The following EGF variants were observed in gnomAD, a reference collection of about 807,000 sequenced individuals.
The protein encoded by EGF is epidermal growth factor.
In EGF, 95 loss-of-function variants were observed where a neutral mutation model predicts 143.8. The observed-to-expected ratio is 0.66, with a 90% CI of 0.56 to 0.78. The LOEUF is 0.78. Among genes scored for constraint, EGF ranks in the 30% least tolerant of loss-of-function variants. The pLI, the probability that EGF is intolerant of heterozygous loss-of-function variation, is 0.00. For missense variants in EGF, 1,320 were observed against 1,470.9 expected (o/e 0.90, Z 1.68); for synonymous variants, 510 against 510.5 (o/e 1.00, Z 0.01).
chr4:109,916,331 T>A (rs1249895319), intron 1 of EGF, among the ~76,000 whole-genome samples: 1 of 152,118 alleles, frequency 6.6e-6, no homozygotes, highest in African/African-American at 2.4e-5. Context: ...GAAACTAACC[T>A]CCAAATATTC....
chr4:109,921,663 T>C lies in EGF; in HGVS notation c.127+8201T>C, dbSNP rs541672989. ...ACCAGCTTTGTGTGCAGTAAGGGAA[T>C]TACATCCATGAGGTGGTTCTTTCTG... On this transcript the variant is annotated intron_variant, in intron 1 of 23. Coordinates refer to ENST00000265171, the MANE Select transcript of EGF (RefSeq NM_001963.6). Among the ~76,000 whole-genome samples the C allele has an allele frequency of 1.8e-4, 28 of 151,688 alleles. 1 individual carries two copies. The highest frequency in any genetic ancestry group is 6.8e-4 in the African/African-American group (28 of 40,974).
intron 9 of EGF, 132 bp from the exon 10 acceptor site, chr4:109,964,269 C>A: frequency 7.8e-7 from 1 of 1,287,856 alleles, no homozygotes; most frequent in Non-Finnish European, 1.1e-6. Flanking sequence ...CTATACCACA[C>A]TAGAGGGAAA....
At chr4:109,958,455 A>G (rs1357664610) in intron 5 of EGF, among the ~76,000 whole-genome samples, 2 of 152,180 alleles carry the variant, frequency 1.3e-5, no homozygotes, top group Non-Finnish European at 1.5e-5. Flanking sequence ...CTCGCTGAGC[A>G]GATTTTACTG....
intron 1 of EGF, among the ~76,000 whole-genome samples, chr4:109,919,315 CTCTCTCTCTCTCTCTCTCTCTCTCTCA>C (rs1436420532): frequency 2.6e-5 from 3 of 113,652 alleles, no homozygotes; most frequent in African/African-American, 1.4e-4. Context: ...CTCTCTCTCT[CTCTCTCTCTCTCTCTCTCTCTCTCTCA>C]TCTCTCTCTC....
chr4:110,013,188 C>T lies in EGF; in HGVS notation c.*1733C>T, dbSNP rs770335663. ...CTCAGAAAAATAATAACCATAATTT[C>T]CCCCAAGGTTTTCTTTACCTAAGTG... On this transcript the variant is annotated 3_prime_UTR_variant, in exon 24 of 24. Coordinates refer to ENST00000265171, the MANE Select transcript of EGF (RefSeq NM_001963.6). 1.9e-4 allele frequency among the ~76,000 whole-genome samples: 29 copies of T among 152,100 alleles called. No homozygotes were observed. The highest frequency in any genetic ancestry group is 2.5e-4 in the Non-Finnish European group (17 of 68,014).
chr4:109,943,941 A>G lies in EGF; in HGVS notation c.609A>G (p.Thr203=), dbSNP rs751107664. Residue 203 remains threonine, a synonymous_variant, in exon 4 of 24, where the codon ACA becomes ACG. Transcript: ENST00000265171. ...TGTTGGAGACATCAGAGAAAATAAC[A>G]GCTGTGTCATTGGATGTGCTTGATA... ...KALLETSEKI[T]AVSLDVLDKR... 1.9e-5 allele frequency: 31 copies of G among 1,614,164 alleles called. No individual in the cohort carries two copies. In the African/African-American group the frequency reaches 4.0e-4, roughly 21 times the overall value.
In EGF at chr4:109,994,804, C is replaced by A. The variant is rs1751537336; in HGVS notation, c.2929C>A (p.Pro977Thr). 6.2e-7 allele frequency: 1 copy of A among 1,614,136 alleles called. No individual in the cohort carries two copies. Among genetic ancestry groups the A allele is most frequent in the Non-Finnish European group, 8.5e-7 (1 of 1,179,982 alleles). Reference protein sequence around the residue: ...YSVRNSDSECPLSHDGYCLHD... With the variant: ...YSVRNSDSECTLSHDGYCLHD... ...CGTAAGAAATAGTGACTCTGAATGT[C>A]CCCTGTCCCACGATGGGTACTGCCT... is the stretch of plus-strand genomic sequence containing the variant. The change falls in exon 20 of 24, where the codon CCC becomes ACC. Residue 977 changes from proline (P) to threonine (T), a missense_variant. Pro to Thr is a conservative substitution (Grantham distance 38, BLOSUM62 -1). This residue lies in a region of EGF where 1,186 missense variants were observed against 1,313.7 expected (regional missense o/e 0.90). Transcript: ENST00000265171.
At chr4:109,962,754 T>C (rs1031842569) in intron 8 of EGF, among the ~76,000 whole-genome samples, 1 of 152,126 alleles carries the variant, frequency 6.6e-6, no homozygotes, top group African/African-American at 2.4e-5. Flanking sequence ...ATATGAATGA[T>C]TGTGGAAATG....
chr4:109,988,722 A>C lies in EGF; in HGVS notation c.2734+13A>C. ...ATTCACTGTCTTGGTAAGAGGACAC[A>C]TGTGCTGGGGAGGAGGGCAGAGGCA... On this transcript the variant is annotated intron_variant, in intron 18 of 23. Coordinates refer to ENST00000265171, the MANE Select transcript of EGF (RefSeq NM_001963.6). 6.2e-7 allele frequency: 1 copy of C among 1,613,662 alleles called. No individual in the cohort carries two copies. The highest frequency in any genetic ancestry group is 8.5e-7 in the Non-Finnish European group (1 of 1,179,750).
rs558444513 is a variant in EGF at position 109,944,442 on chromosome 4, A to G, written c.737+373A>G. On this transcript the variant is annotated intron_variant, in intron 4 of 23. Coordinates refer to ENST00000265171, the MANE Select transcript of EGF (RefSeq NM_001963.6). ...CGACAGAGCGAGACTCCGTCTCAAGAAAAAGACTTGAGTTCAAGCTCCAGA... is the reference window on the plus strand; with the variant it reads ...CGACAGAGCGAGACTCCGTCTCAAGGAAAAGACTTGAGTTCAAGCTCCAGA... 1.1e-4 allele frequency among the ~76,000 whole-genome samples: 16 copies of G among 152,340 alleles called. 1 individual carries two copies. In the South Asian group the frequency reaches 3.1e-3, roughly 30 times the overall value.
At chr4:109,969,676 T>C (rs1479265557) in intron 11 of EGF, among the ~76,000 whole-genome samples, 1 of 152,150 alleles carries the variant, frequency 6.6e-6, no homozygotes, top group Non-Finnish European at 1.5e-5. Flanking sequence ...CCTGTCTGAA[T>C]ATAAGCAATA....
intron 19 of EGF, among the ~76,000 whole-genome samples, chr4:109,993,844 G>A (rs1025945109): frequency 2.0e-5 from 3 of 152,036 alleles, no homozygotes; most frequent in Non-Finnish European, 4.4e-5. Flanking sequence ...GTTGACTCCT[G>A]CTTCCTGAAT....
chr4:109,930,730 A>T (rs1291119194), intron 1 of EGF, among the ~76,000 whole-genome samples: 1 of 152,202 alleles, frequency 6.6e-6, no homozygotes, highest in Non-Finnish European at 1.5e-5. Context: ...CTCACAGAGG[A>T]TGAAGGGGTG....
intron 15 of EGF, 25 bp from the exon 16 acceptor site, chr4:109,983,397 A>AATTGCATCT (rs1749672539): frequency 6.2e-7 from 1 of 1,611,856 alleles, no homozygotes; most frequent in African/African-American, 1.3e-5. Flanking sequence ...AGCTAAATTT[A>AATTGCATCT]ATTGCATCTA....
intron 21 of EGF, chr4:110,004,247 C>CACAA: frequency 2.0e-6 from 1 of 491,164 alleles, no homozygotes; most frequent in Non-Finnish European, 3.7e-6. Flanking sequence ...CACACACACA[C>CACAA]ACACAAACAC....
Position 109,920,019 on chromosome 4 carries a change from T to A in EGF, c.127+6557T>A, listed in dbSNP as rs933274540. Among the ~76,000 whole-genome samples, 65 of 151,798 alleles carry A rather than the reference T, an allele frequency of 4.3e-4. 2 individuals carry two copies. Among genetic ancestry groups the A allele is most frequent in the African/African-American group, 1.5e-3 (61 of 41,040 alleles). On this transcript the variant is annotated intron_variant, in intron 1 of 23. Coordinates refer to ENST00000265171, the MANE Select transcript of EGF (RefSeq NM_001963.6). ...TGGCTTGTGAATCAGTACAATGTCTTTTATTTTTATCGTTGATGCATAGGT... is the reference window on the plus strand; with the variant it reads ...TGGCTTGTGAATCAGTACAATGTCTATTATTTTTATCGTTGATGCATAGGT...
At chr4:109,970,740 G>A (rs377041701) in intron 11 of EGF, among the ~76,000 whole-genome samples, 16 of 150,432 alleles carry the variant, frequency 1.1e-4, no homozygotes, top group Non-Finnish European at 1.8e-4. Context: ...CAGGAGAATG[G>A]CGTGAACCTG....
Position 110,009,899 on chromosome 4 carries a change from G to C in EGF, c.3371-1303G>C, listed in dbSNP as rs1753787576. 2.6e-5 allele frequency among the ~76,000 whole-genome samples: 4 copies of C among 152,162 alleles called. No homozygotes were observed. In the South Asian group the frequency reaches 8.3e-4, roughly 32 times the overall value. On this transcript the variant is annotated intron_variant, in intron 23 of 23. Coordinates refer to ENST00000265171, the MANE Select transcript of EGF (RefSeq NM_001963.6). ...GTTAAGTGCAGAGTACATGCTAGGGGCAGCTGACTATGCCAGGGGAAAAGA... is the reference window on the plus strand; with the variant it reads ...GTTAAGTGCAGAGTACATGCTAGGGCCAGCTGACTATGCCAGGGGAAAAGA...
At chr4:109,913,542 G>A (rs1461445677) in intron 1 of EGF, 80 bp downstream of exon 1, 8 of 1,569,932 alleles carry the variant, frequency 5.1e-6, no homozygotes, top group Non-Finnish European at 6.9e-6. Context: ...TGGTATACTT[G>A]GGCATTTAAC....
Sources: allele counts gnomAD v4.1 joint callset (sites outside exome capture counted in the v4.1 genomes callset), GRCh38; gene constraint gnomAD v4.1.1; regional missense constraint gnomAD v4.1.1; transcripts MANE v1.5; gene names NCBI Gene and HGNC (gene_info 2026-07-23, HGNC 2026-07-21).